Variants in CDKAL1 observed in about 807,000 individuals in gnomAD.
CDKAL1 encodes CDKAL1 threonylcarbamoyladenosine tRNA methylthiotransferase.
CDKAL1 carries 32 observed loss-of-function variants against 68.2 expected under a neutral mutation model. That is an observed-to-expected ratio of 0.47 (90% CI 0.35 to 0.63). CDKAL1 has a LOEUF of 0.63. Ranked by LOEUF, CDKAL1 falls within the 30% of genes least tolerant of loss-of-function variation. The pLI is 0.00. For synonymous variants in CDKAL1, 234 were observed against 244.3 expected, an observed-to-expected ratio of 0.96 and a Z score of 0.39; for missense variants, 606 against 696.7, an observed-to-expected ratio of 0.87 and a Z score of 1.47.
At chr6:20,880,960 A>G (rs1760782545) in intron 9 of CDKAL1, among the ~76,000 whole-genome samples, 1 of 152,216 alleles carries the variant, frequency 6.6e-6, no homozygotes, top group Non-Finnish European at 1.5e-5. Flanking sequence ...GAAGTCATCC[A>G]GGCATCTTCC....
chr6:21,041,864 GT>G (rs1362728242), intron 11 of CDKAL1, among the ~76,000 whole-genome samples: 3 of 152,082 alleles, frequency 2.0e-5, no homozygotes, highest in African/African-American at 7.2e-5. Context: ...ATGTGTATCA[GT>G]AAAATTGCTT....
chr6:20,735,902 CTG>C (rs1773171450), intron 5 of CDKAL1, among the ~76,000 whole-genome samples: 2 of 152,172 alleles, frequency 1.3e-5, no homozygotes, highest in South Asian at 2.1e-4. Flanking sequence ...CTCTATAAAA[CTG>C]TAATGTTTTA....
At chr6:20,549,466 C>T (rs1763730098) in intron 4 of CDKAL1, among the ~76,000 whole-genome samples, 1 of 152,082 alleles carries the variant, frequency 6.6e-6, no homozygotes, top group African/African-American at 2.4e-5. Context: ...TCCTATTTCT[C>T]CTCAACCTTT....
chr6:20,993,670 A>G (rs952636272), intron 10 of CDKAL1: 5 of 152,244 alleles, frequency 3.3e-5, no homozygotes, highest in Admixed American at 1.3e-4. Context: ...GAAATTTAGC[A>G]GTTCTTTTAA....
chr6:20,829,296 A>C (rs1472696885), intron 8 of CDKAL1, among the ~76,000 whole-genome samples: 1 of 152,196 alleles, frequency 6.6e-6, no homozygotes, highest in Non-Finnish European at 1.5e-5. Context: ...CAGCAGCTAC[A>C]CACCATTTTA....
At position 20,597,096 on chromosome 6, in the gene CDKAL1, G is replaced by C. The variant is rs1765862688; in HGVS notation, c.286+48391G>C. Among the ~76,000 whole-genome samples the C allele has an allele frequency of 2.6e-5, 4 of 152,008 alleles. No homozygotes were observed. In the South Asian group the frequency reaches 8.3e-4, roughly 32 times the overall value. On this transcript the variant is annotated intron_variant, in intron 4 of 15. Transcript: ENST00000274695. ...AGAGCTGTTCCTATTTGGCCATCTT[G>C]CCAGCCACCCCTTTATTTTTATTTT...
chr6:20,924,546 A>G (rs1473882635), intron 9 of CDKAL1, among the ~76,000 whole-genome samples: 2 of 152,260 alleles, frequency 1.3e-5, no homozygotes, highest in African/African-American at 2.4e-5. Flanking sequence ...GCTGATATGA[A>G]GAAAGTTTGA....
At chr6:21,087,927 G>A (rs1772786446) in intron 12 of CDKAL1, among the ~76,000 whole-genome samples, 1 of 152,094 alleles carries the variant, frequency 6.6e-6, no homozygotes, top group Admixed American at 6.6e-5. Flanking sequence ...ACATCCAACT[G>A]TGGTCCTGTC....
At chr6:20,580,874 C>G (rs1765116568) in intron 4 of CDKAL1, among the ~76,000 whole-genome samples, 1 of 152,074 alleles carries the variant, frequency 6.6e-6, no homozygotes, top group Non-Finnish European at 1.5e-5. Flanking sequence ...ACTGCAACCT[C>G]CATCTCCTGG....
chr6:21,043,029 A>G (rs778089536), intron 11 of CDKAL1, among the ~76,000 whole-genome samples: 1 of 152,132 alleles, frequency 6.6e-6, no homozygotes, highest in Non-Finnish European at 1.5e-5. Flanking sequence ...AAGCACTTGA[A>G]CCTCACACAA....
rs150028421 is a variant in CDKAL1 at position 21,053,982 on chromosome 6, G to A, written c.1056-11066G>A. On this transcript the variant is annotated intron_variant, in intron 11 of 15. Transcript: ENST00000274695. ...TTAGTTTATCAAATTTTACTTTTAC[G>A]GATTGTGCTTTCGGTGTTGGCACTA... is the stretch of plus-strand genomic sequence containing the variant. 4.9e-3 allele frequency among the ~76,000 whole-genome samples: 737 copies of A among 151,610 alleles called. 2 individuals are homozygous for A. Among genetic ancestry groups the A allele is most frequent in the Non-Finnish European group, 7.9e-3 (538 of 67,872 alleles).
At chr6:21,117,054 C>G (rs530915525) in intron 13 of CDKAL1, among the ~76,000 whole-genome samples, 1 of 152,200 alleles carries the variant, frequency 6.6e-6, no homozygotes, top group African/African-American at 2.4e-5. Context: ...AAGATGTATC[C>G]CCATTCTCTT....
At chr6:20,687,858 C>A (rs138979434) in intron 5 of CDKAL1, among the ~76,000 whole-genome samples, 30 of 151,710 alleles carry the variant, frequency 2.0e-4, no homozygotes, top group African/African-American at 7.1e-4. Context: ...TGACCTACAT[C>A]ATTTTTATCC....
intron 5 of CDKAL1, among the ~76,000 whole-genome samples, chr6:20,699,184 C>T (rs1380175091): frequency 5.3e-5 from 8 of 151,980 alleles, no homozygotes; most frequent in African/African-American, 1.9e-4. Context: ...AATGGTTTAT[C>T]CCTTAATAAA....
At chr6:20,845,293 A>G (rs1259203118) in intron 8 of CDKAL1, among the ~76,000 whole-genome samples, 3 of 152,106 alleles carry the variant, frequency 2.0e-5, no homozygotes, top group Non-Finnish European at 4.4e-5. Flanking sequence ...TTTTTGATAT[A>G]GGACTATTTT....
At chr6:20,703,844 T>C in intron 5 of CDKAL1, among the ~76,000 whole-genome samples, 1 of 152,324 alleles carries the variant, frequency 6.6e-6, no homozygotes, top group South Asian at 2.1e-4. Flanking sequence ...TTCAGGAATA[T>C]TTTTAATACA....
intron 12 of CDKAL1, among the ~76,000 whole-genome samples, chr6:21,097,782 C>T (rs1022329476): frequency 3.9e-5 from 6 of 152,148 alleles, no homozygotes; most frequent in Non-Finnish European, 7.4e-5. Flanking sequence ...TAAATTGACT[C>T]AAAGCAAAAT....
chr6:21,149,287 G>GC (rs1236965992), intron 13 of CDKAL1, among the ~76,000 whole-genome samples: 5 of 151,922 alleles, frequency 3.3e-5, no homozygotes, highest in South Asian at 4.2e-4. Context: ...TTACAGGCAT[G>GC]CCCCACCTCC....
At chr6:20,781,758 A>G (rs1775441158) in intron 8 of CDKAL1, among the ~76,000 whole-genome samples, 1 of 151,644 alleles carries the variant, frequency 6.6e-6, no homozygotes, top group Non-Finnish European at 1.5e-5. Flanking sequence ...TAATTTCCAC[A>G]CCTTGATTTA....
Sources: gnomAD v4.1 joint callset for allele counts (sites outside exome capture counted in the v4.1 genomes callset) on GRCh38, gnomAD v4.1.1 for gene constraint, MANE v1.5 for transcripts, NCBI Gene and HGNC (gene_info 2026-07-23, HGNC 2026-07-21) for gene names.